Variants in ADAM2 observed in about 807,000 individuals in gnomAD.
The protein encoded by ADAM2 is ADAM metallopeptidase domain 2, also known as disintegrin and metalloproteinase domain-containing protein 2.
ADAM2 carries 101 observed loss-of-function variants against 99.3 expected under a neutral mutation model. The observed-to-expected ratio is 1.02, with a 90% CI of 0.87 to 1.20. ADAM2 has a LOEUF of 1.20. ADAM2 is among the 50% of genes most tolerant of loss of function. ADAM2 has a pLI of 0.00. For synonymous variants in ADAM2, 323 were observed against 287.6 expected, an observed-to-expected ratio of 1.12 and a Z score of -1.25; for missense variants, 948 against 878.7, an observed-to-expected ratio of 1.08 and a Z score of -1.00.
intron 6 of ADAM2, among the ~76,000 whole-genome samples, chr8:39,820,086 A>G (rs1805113526): frequency 6.6e-6 from 1 of 152,156 alleles, no homozygotes; most frequent in African/African-American, 2.4e-5. Context: ...ACTTCTGATC[A>G]AAGACTTATG....
chr8:39,773,369 C>G (rs761137826), intron 11 of ADAM2, among the ~76,000 whole-genome samples: 3 of 151,442 alleles, frequency 2.0e-5, no homozygotes, highest in Non-Finnish European at 4.4e-5. Context: ...TGAATTTTTA[C>G]ATTAAAAATC....
intron 15 of ADAM2, 118 bp from the exon 16 acceptor site, chr8:39,756,029 A>T: frequency 3.7e-6 from 2 of 543,558 alleles, no homozygotes; most frequent in Middle Eastern, 5.0e-4. Flanking sequence ...AATACATGCA[A>T]TTCGTTTTAA....
intron 14 of ADAM2, among the ~76,000 whole-genome samples, chr8:39,763,298 C>G (rs993376807): frequency 6.6e-6 from 1 of 152,130 alleles, no homozygotes. Flanking sequence ...TGAGAACAAA[C>G]TTGCAAAATA....
chr8:39,777,161 G>A lies in ADAM2; in HGVS notation c.892C>T (p.His298Tyr). ...DANYAGGVVL[H>Y]PRTISLESLA... The stretch of plus-strand genomic sequence containing the variant: ...GATTCCAGACTTATGGTTCTGGGGT[G>A]CTGAGAAAAAAAAATAGATGTACAC... The change falls in exon 11 of 21, where the codon CAC becomes TAC. Residue 298 changes from histidine to tyrosine, a missense_variant and splice_region_variant. His to Tyr is a moderately conservative substitution (Grantham distance 83). Coordinates refer to ENST00000265708, the MANE Select transcript of ADAM2 (RefSeq NM_001464.5). 6.3e-7 allele frequency: 1 copy of A among 1,593,110 alleles called. No homozygotes were observed. The highest frequency in any genetic ancestry group is 1.2e-5 in the South Asian group (1 of 86,558).
intron 7 of ADAM2, among the ~76,000 whole-genome samples, chr8:39,802,417 C>T (rs372884922): frequency 2.6e-5 from 4 of 152,264 alleles, no homozygotes; most frequent in Non-Finnish European, 5.9e-5. Flanking sequence ...TGCTTCAAGT[C>T]GGCCATCTTG....
At chr8:39,812,488 A>G (rs1292189301) in intron 6 of ADAM2, among the ~76,000 whole-genome samples, 4 of 152,176 alleles carry the variant, frequency 2.6e-5, no homozygotes, top group Non-Finnish European at 5.9e-5. Context: ...AGCCAAAAGA[A>G]CAAAGCTGGA....
intron 6 of ADAM2, among the ~76,000 whole-genome samples, chr8:39,812,365 G>A (rs987680790): frequency 6.6e-5 from 10 of 152,206 alleles, no homozygotes; most frequent in African/African-American, 2.4e-4. Flanking sequence ...GTAATTTATG[G>A]ATTCAATGCC....
Position 39,749,334 on chromosome 8 carries a change from T to G in ADAM2, c.1992A>C (p.Val664=). The change falls in exon 18 of 21, where the codon GTA becomes GTC. Residue 664 remains valine (V), a synonymous_variant. Coordinates refer to ENST00000265708, the MANE Select transcript of ADAM2 (RefSeq NM_001464.5). ...GSIDSGNFPP[V]AIPARLPERR... ...TACCAGGGAGTCTGGCTGGTATAGC[T>G]ACAGGTGGAAAATTGCCACTGTCAA... 1 of 1,612,938 alleles carries G rather than the reference T, an allele frequency of 6.2e-7. No individual in the cohort carries two copies.
At chr8:39,796,553 A>AC (rs1803959860) in intron 7 of ADAM2, among the ~76,000 whole-genome samples, 2 of 152,268 alleles carry the variant, frequency 1.3e-5, no homozygotes, top group Non-Finnish European at 2.9e-5. Context: ...TTGAGTATAT[A>AC]CCCAGTAATG....
At chr8:39,791,717 C>T (rs1803723328) in intron 7 of ADAM2, among the ~76,000 whole-genome samples, 1 of 152,044 alleles carries the variant, frequency 6.6e-6, no homozygotes, top group African/African-American at 2.4e-5. Flanking sequence ...TGTGGTGCTC[C>T]ATTAGACAGA....
Position 39,787,531 on chromosome 8 carries a change from A to ACT in ADAM2, c.810-478_810-477dup, listed in dbSNP as rs3035050. Among the ~76,000 whole-genome samples the ACT allele has an allele frequency of 5.5e-3, 725 of 131,820 alleles. 4 individuals carry two copies. The highest frequency in any genetic ancestry group is 0.021 in the African/African-American group (678 of 32,064). The allele number at this position is 131,820 out of a possible 152,430, so 86.5% of individuals were successfully genotyped here. ...TAAAACTCCATGTTTAATCTTAAAA[A>ACT]CTCTCTCTCTCTATATATATATATA... On this transcript the variant is annotated intron_variant, in intron 9 of 20. Transcript: ENST00000265708.
intron 6 of ADAM2, among the ~76,000 whole-genome samples, chr8:39,817,026 A>C (rs1804972403): frequency 6.6e-6 from 1 of 152,230 alleles, no homozygotes; most frequent in South Asian, 2.1e-4. Context: ...ACTATATAAG[A>C]GCAAAATATA....
chr8:39,812,775 G>A (rs1230659637), intron 6 of ADAM2, among the ~76,000 whole-genome samples: 1 of 152,052 alleles, frequency 6.6e-6, no homozygotes, highest in Non-Finnish European at 1.5e-5. Flanking sequence ...AATTCAAGAT[G>A]GATTAAAGAC....
intron 2 of ADAM2, among the ~76,000 whole-genome samples, chr8:39,834,312 T>C (rs1310601686): frequency 6.6e-6 from 1 of 152,172 alleles, no homozygotes; most frequent in African/African-American, 2.4e-5. Context: ...TGGGGTTTTC[T>C]ATATATGGGA....
intron 6 of ADAM2, among the ~76,000 whole-genome samples, chr8:39,816,225 A>C (rs543923587): frequency 6.6e-6 from 1 of 152,198 alleles, no homozygotes; most frequent in African/African-American, 2.4e-5. Flanking sequence ...TGAACCCGGG[A>C]GGTGGAGGTT....
At chr8:39,767,983 A>C (rs945896083) in intron 12 of ADAM2, among the ~76,000 whole-genome samples, 9 of 152,068 alleles carry the variant, frequency 5.9e-5, no homozygotes, top group Non-Finnish European at 1.5e-5. Flanking sequence ...AAGAAATTTG[A>C]TAAATCACAA....
chr8:39,772,107 G>A (rs545972188), intron 11 of ADAM2, among the ~76,000 whole-genome samples: 30 of 133,120 alleles, frequency 2.3e-4, no homozygotes, highest in African/African-American at 8.8e-4. Flanking sequence ...GAGAGAGAAC[G>A]GTAAAAAAAA....
At chr8:39,759,167 A>T (rs1802260081) in intron 15 of ADAM2, among the ~76,000 whole-genome samples, 1 of 152,144 alleles carries the variant, frequency 6.6e-6, no homozygotes, top group South Asian at 2.1e-4. Context: ...TTATCAAAAC[A>T]TTTAACCTAA....
At chr8:39,807,469 A>G (rs1804487281) in intron 7 of ADAM2, among the ~76,000 whole-genome samples, 1 of 152,204 alleles carries the variant, frequency 6.6e-6, no homozygotes, top group African/African-American at 2.4e-5. Flanking sequence ...TCTATGGAGT[A>G]AATTATCTCT....
Sources: gnomAD v4.1 joint callset for allele counts (sites outside exome capture counted in the v4.1 genomes callset) on GRCh38, gnomAD v4.1.1 for gene constraint, MANE v1.5 for transcripts, NCBI Gene and HGNC (gene_info 2026-07-23, HGNC 2026-07-21) for gene names.